FERMT1: variants seen among roughly 807,000 people sequenced by gnomAD.
FERMT1 encodes fermitin family homolog 1.
FERMT1 carries 60 observed loss-of-function variants against 85.3 expected under a neutral mutation model. The observed-to-expected ratio is 0.70, with a 90% CI of 0.57 to 0.87. The LOEUF is 0.87. FERMT1 is among the 40% of genes least tolerant of loss of function. FERMT1 has a pLI of 0.00. For synonymous variants in FERMT1, 275 were observed against 301.1 expected, an observed-to-expected ratio of 0.91 and a Z score of 0.90; for missense variants, 701 against 818.9, an observed-to-expected ratio of 0.86 and a Z score of 1.76.
intron 9 of FERMT1, 149 bp from the exon 10 acceptor site, chr20:6,089,238 G>A (rs1284467031): frequency 1.9e-5 from 15 of 784,116 alleles, no homozygotes; most frequent in African/African-American, 3.5e-5. Context: ...ATTTCCAAGC[G>A]CTGGAAATGA....
chr20:6,120,978 C>G (rs1057023134), intron 1 of FERMT1, among the ~76,000 whole-genome samples: 2 of 152,130 alleles, frequency 1.3e-5, no homozygotes, highest in African/African-American at 2.4e-5. Flanking sequence ...CATGTTCATT[C>G]GAAACGACTC....
rs769840965 is a variant in FERMT1, at chr20:6,087,757, ATT to A, written c.1371+18_1371+19del. On this transcript the variant is annotated intron_variant, in intron 11 of 14. Transcript: ENST00000217289. The stretch of plus-strand genomic sequence containing the variant: ...CTTAGTGGAGGTGAAGTGACTTAAT[ATT>A]TTTGGGGTTTTACTCACATGGTCAC... 277 of 1,352,952 alleles carry A rather than the reference ATT, an allele frequency of 2.0e-4. No individual in the cohort carries two copies. Among genetic ancestry groups the A allele is most frequent in the Admixed American group, 2.3e-4 (14 of 59,700 alleles). 83.8% of individuals were successfully genotyped at this position (1,352,952 alleles called of 1,614,324 possible).
In FERMT1 at chr20:6,077,162, G is replaced by C. The variant is rs752230036; in HGVS notation, c.*11C>G. ...TGCCTTGTTGGTGTGAGCCGAGCACGCGTGCTTGTTTCAATCCTGACCGCC... is the reference window on the plus strand; with the variant it reads ...TGCCTTGTTGGTGTGAGCCGAGCACCCGTGCTTGTTTCAATCCTGACCGCC... On this transcript the variant is annotated 3_prime_UTR_variant, in exon 15 of 15. Coordinates refer to ENST00000217289, the MANE Select transcript of FERMT1 (RefSeq NM_017671.5). The C allele has an allele frequency of 1.2e-6, 2 of 1,613,200 alleles. No homozygotes were observed. Among genetic ancestry groups the C allele is most frequent in the Non-Finnish European group, 1.7e-6 (2 of 1,179,974 alleles).
At position 6,115,923 on chromosome 20, in the gene FERMT1, G is replaced by T; in HGVS notation, c.273C>A (p.Thr91=). 1 of 1,614,120 alleles carries T rather than the reference G, an allele frequency of 6.2e-7. No homozygotes were observed. Among genetic ancestry groups the T allele is most frequent in the Non-Finnish European group, 8.5e-7 (1 of 1,179,994 alleles). The part of the protein sequence containing the change: ...GVQADAKLLF[T]PQHKMLRLRL... ...GAAGGCGCAGCATTTTATGCTGAGGGGTGAAGAGAAGCTTTGCATCTGCCT... is the reference window on the plus strand; with the variant it reads ...GAAGGCGCAGCATTTTATGCTGAGGTGTGAAGAGAAGCTTTGCATCTGCCT... The change falls in exon 3 of 15, where the codon ACC becomes ACA. Residue 91 remains threonine (T), a synonymous_variant. Coordinates refer to ENST00000217289, the MANE Select transcript of FERMT1 (RefSeq NM_017671.5).
rs867461488 is a variant in FERMT1 at position 6,107,606 on chromosome 20, C to G, written c.775G>C (p.Glu259Gln). Reference sequence around the variant, plus strand: ...TGCTCATCCTCTTGGATGCCTTGTTCCATAAGGGAGCGTGAGGAGTCTAGC... The same window carrying G: ...TGCTCATCCTCTTGGATGCCTTGTTGCATAAGGGAGCGTGAGGAGTCTAGC... ...GWLDSSRSLM[E>Q]QGIQEDEQLL... The change falls in exon 6 of 15, where the codon GAA (glutamate) becomes CAA (glutamine). Residue 259 changes from glutamate (E) to glutamine (Q), a missense_variant. Transcript: ENST00000217289. 3 of 1,612,076 alleles carry G rather than the reference C, an allele frequency of 1.9e-6. No homozygotes were observed. Among genetic ancestry groups the G allele is most frequent in the Non-Finnish European group, 2.5e-6 (3 of 1,178,576 alleles).
chr20:6,104,662 C>T lies in FERMT1; in HGVS notation c.849+2870G>A, dbSNP rs1172004191. On this transcript the variant is annotated intron_variant, in intron 6 of 14. Transcript: ENST00000217289. The surrounding 1 kb of genome is among the most constrained non-coding windows in gnomAD (Gnocchi z 4.2). Reference sequence around the variant, plus strand: ...CACTTTTTAGGCTATGAAGAGGGAGCTCCTCACCAATTAAGCGGGCAGAGG... The same window carrying T: ...CACTTTTTAGGCTATGAAGAGGGAGTTCCTCACCAATTAAGCGGGCAGAGG... 1.3e-5 allele frequency among the ~76,000 whole-genome samples: 2 copies of T among 152,190 alleles called. No individual in the cohort carries two copies. The highest frequency in any genetic ancestry group is 4.8e-5 in the African/African-American group (2 of 41,446).
chr20:6,092,060 C>G (rs1035164563), intron 9 of FERMT1, among the ~76,000 whole-genome samples: 3 of 152,026 alleles, frequency 2.0e-5, no homozygotes, highest in Non-Finnish European at 4.4e-5. Flanking sequence ...CCTGCCTCAG[C>G]CTCCCCAGTA....
At chr20:6,088,574 T>A (rs1162100085) in intron 10 of FERMT1, among the ~76,000 whole-genome samples, 1 of 151,450 alleles carries the variant, frequency 6.6e-6, no homozygotes, top group Non-Finnish European at 1.5e-5. Flanking sequence ...CCTCTAGAAG[T>A]AAGTAAACCG....
intron 13 of FERMT1, among the ~76,000 whole-genome samples, chr20:6,083,077 A>G (rs1408240233): frequency 6.6e-6 from 1 of 152,188 alleles, no homozygotes; most frequent in Non-Finnish European, 1.5e-5. Flanking sequence ...CCACCCCGAA[A>G]TTATAAGATG....
At position 6,104,601 on chromosome 20, in the gene FERMT1, A is replaced by G. The variant is rs1307109614; in HGVS notation, c.849+2931T>C. On this transcript the variant is annotated intron_variant, in intron 6 of 14. Transcript: ENST00000217289. The surrounding 1 kb of genome is among the most constrained non-coding windows in gnomAD (Gnocchi z 4.2). ...GAGTCTTCCTGTCACCTTTGGGTTGACAGTTTCTGTGTGGCTGTTAGATTC... is the reference window on the plus strand; with the variant it reads ...GAGTCTTCCTGTCACCTTTGGGTTGGCAGTTTCTGTGTGGCTGTTAGATTC... Among the ~76,000 whole-genome samples, 1 of 152,088 alleles carries G rather than the reference A, an allele frequency of 6.6e-6. No individual in the cohort carries two copies. The highest frequency in any genetic ancestry group is 1.5e-5 in the Non-Finnish European group (1 of 68,026).
intron 13 of FERMT1, among the ~76,000 whole-genome samples, chr20:6,082,065 A>G (rs942060398): frequency 3.9e-5 from 6 of 152,192 alleles, no homozygotes; most frequent in African/African-American, 1.4e-4. Flanking sequence ...TCCTACACAC[A>G]GCATGGCTGC....
intron 11 of FERMT1, 196 bp downstream of exon 11, chr20:6,087,581 G>C (rs1982220605): frequency 1.7e-6 from 1 of 591,922 alleles, no homozygotes; most frequent in African/African-American, 1.8e-5. Flanking sequence ...AAAGTGCTGG[G>C]ATTACAGGTG....
intron 2 of FERMT1, among the ~76,000 whole-genome samples, chr20:6,118,086 C>T (rs1451044504): frequency 1.3e-5 from 2 of 152,196 alleles, no homozygotes; most frequent in Non-Finnish European, 2.9e-5. Context: ...CTCTGAAAGA[C>T]AGGTGTTACA....
chr20:6,103,872 A>G (rs914341586), intron 6 of FERMT1, among the ~76,000 whole-genome samples: 2 of 118,626 alleles, frequency 1.7e-5, no homozygotes, highest in Non-Finnish European at 3.6e-5. Flanking sequence ...TATTATTATT[A>G]TTTTATTTAT....
rs1310709828 is a variant in FERMT1, at chr20:6,076,245, G to T, written c.*928C>A. ...CATGGTGGTCTTTGAGAATGGGTCTGCCCTTCTCTCCCTGACCAGTTGGGA... is the reference window on the plus strand; with the variant it reads ...CATGGTGGTCTTTGAGAATGGGTCTTCCCTTCTCTCCCTGACCAGTTGGGA... On this transcript the variant is annotated 3_prime_UTR_variant, in exon 15 of 15. Coordinates refer to ENST00000217289, the MANE Select transcript of FERMT1 (RefSeq NM_017671.5). 2.9e-6 allele frequency: 1 copy of T among 343,116 alleles called. No individual in the cohort carries two copies. The highest frequency in any genetic ancestry group is 5.8e-6 in the Non-Finnish European group (1 of 173,776). 21.3% of individuals were successfully genotyped at this position (343,116 alleles called of 1,614,324 possible).
chr20:6,079,460 C>A lies in FERMT1; in HGVS notation c.1836G>T (p.Trp612Cys). 6.2e-7 allele frequency: 1 copy of A among 1,614,144 alleles called. No homozygotes were observed. The highest frequency in any genetic ancestry group is 1.6e-4 in the Middle Eastern group (1 of 6,062). ...TTWRFTNIKQ[W>C]NVNWETRQVV... ...CCTGCCGGGTTTCCCAGTTTACATT[C>A]CACTGTTTGATATTTGTGAATCTCC... The change falls in exon 14 of 15, where the codon TGG becomes TGT. Residue 612 changes from tryptophan to cysteine, a missense_variant. Physicochemically the swap from Trp to Cys is radical, Grantham distance 215. Coordinates refer to ENST00000217289, the MANE Select transcript of FERMT1 (RefSeq NM_017671.5).
In FERMT1 at chr20:6,085,104, C is replaced by T; in HGVS notation, c.1555G>A (p.Val519Met). The T allele has an allele frequency of 6.2e-7, 1 of 1,614,172 alleles. No individual in the cohort carries two copies. Among genetic ancestry groups the T allele is most frequent in the South Asian group, 1.1e-5 (1 of 91,074 alleles). ...ENMDMNPECF[V>M]SPRCAKRHKS... Reference sequence around the variant, plus strand: ...TGTCTTTTTGCACACCGTGGTGACACAAAACATTCTGGGTTCATATCCATG... The same window carrying T: ...TGTCTTTTTGCACACCGTGGTGACATAAAACATTCTGGGTTCATATCCATG... The change falls in exon 12 of 15, where the codon GTG (valine) becomes ATG (methionine). Residue 519 changes from valine to methionine, a missense_variant. By Grantham distance (21) the Val-to-Met change is conservative. Coordinates refer to ENST00000217289, the MANE Select transcript of FERMT1 (RefSeq NM_017671.5).
At chr20:6,121,153 T>A (rs893601414) in intron 1 of FERMT1, among the ~76,000 whole-genome samples, 2 of 152,190 alleles carry the variant, frequency 1.3e-5, no homozygotes, top group Non-Finnish European at 2.9e-5. Flanking sequence ...GATGGAGTCT[T>A]GCTCTGTCAC....
In FERMT1 at chr20:6,077,337, CGAT is replaced by C. The variant is rs869312721; in HGVS notation, c.1867_1869del (p.Ile623del). On this transcript the variant is annotated inframe_deletion, in exon 15 of 15. Transcript: ENST00000217289. Reference sequence around the variant, plus strand: ...GCAGTAAAGACGTTTTGGTCAAACTCGATGACCACCTGGAAGAGGAAGGCACAG... The same window carrying C: ...GCAGTAAAGACGTTTTGGTCAAACTCGACCACCTGGAAGAGGAAGGCACAG... 1.9e-6 allele frequency: 3 copies of C among 1,614,014 alleles called. No homozygotes were observed. The highest frequency in any genetic ancestry group is 1.7e-6 in the Non-Finnish European group (2 of 1,180,008).
Sources: gnomAD v4.1 joint callset for allele counts (sites outside exome capture counted in the v4.1 genomes callset) on GRCh38, gnomAD v4.1.1 for gene constraint, Gnocchi (gnomAD v3.1) non-coding constraint, MANE v1.5 for transcripts, NCBI Gene and HGNC (gene_info 2026-07-23, HGNC 2026-07-21) for gene names.